CTNNBL1: variants seen among roughly 807,000 people sequenced by gnomAD.
CTNNBL1 encodes the protein beta-catenin-like protein 1.
A neutral mutation model predicts 72.7 loss-of-function variants in CTNNBL1; 31 were observed. That is an observed-to-expected ratio of 0.43 (90% confidence interval 0.32 to 0.58). CTNNBL1 has a LOEUF of 0.58. Among genes scored for constraint, CTNNBL1 ranks in the 20% least tolerant of loss-of-function variants. The probability of loss-of-function intolerance (pLI) is 0.08; values close to 1 mark genes in which losing one functional copy is unlikely to be tolerated. For missense variants in CTNNBL1, 534 were observed against 725.1 expected, an observed-to-expected ratio of 0.74 and a Z score of 3.03; for synonymous variants, 240 against 267.3, an observed-to-expected ratio of 0.90 and a Z score of 1.00.
intron 6 of CTNNBL1, among the ~76,000 whole-genome samples, chr20:37,765,929 T>G (rs2073463696): frequency 6.6e-6 from 1 of 152,296 alleles, no homozygotes; most frequent in Admixed American, 6.5e-5. Context: ...AAAATTGTGT[T>G]TTGGGGGTAG....
chr20:37,742,106 A>G (rs960509405), intron 3 of CTNNBL1, among the ~76,000 whole-genome samples: 1 of 152,232 alleles, frequency 6.6e-6, no homozygotes, highest in African/African-American at 2.4e-5. Flanking sequence ...AGAATGAGAA[A>G]GCATTTCAAC....
chr20:37,744,033 C>A (rs1004714316), intron 3 of CTNNBL1, among the ~76,000 whole-genome samples: 2 of 151,870 alleles, frequency 1.3e-5, no homozygotes, highest in Non-Finnish European at 2.9e-5. Flanking sequence ...AGGGCAAACA[C>A]TTTTCTCTGA....
chr20:37,824,220 A>C (rs1286726669), intron 11 of CTNNBL1, among the ~76,000 whole-genome samples: 1 of 152,232 alleles, frequency 6.6e-6, no homozygotes. Flanking sequence ...GCATACTGCC[A>C]TTACAAGGAT....
intron 4 of CTNNBL1, among the ~76,000 whole-genome samples, chr20:37,747,209 C>T (rs2073274006): frequency 6.6e-6 from 1 of 151,946 alleles, no homozygotes; most frequent in Non-Finnish European, 1.5e-5. Flanking sequence ...GAAACCCTAT[C>T]TCTAAAAATA....
chr20:37,735,027 A>G (rs1330711872), intron 2 of CTNNBL1, among the ~76,000 whole-genome samples: 3 of 152,250 alleles, frequency 2.0e-5, no homozygotes, highest in Admixed American at 6.5e-5. Flanking sequence ...ACCCTTTCCT[A>G]GAAATGTTTT....
chr20:37,715,188 T>C (rs1219812191), intron 1 of CTNNBL1, among the ~76,000 whole-genome samples: 1 of 152,208 alleles, frequency 6.6e-6, no homozygotes, highest in Non-Finnish European at 1.5e-5. Flanking sequence ...AATCTCATGG[T>C]GGTAGTATGA....
At chr20:37,859,449 C>T (rs1361444398) in intron 13 of CTNNBL1, among the ~76,000 whole-genome samples, 1 of 152,042 alleles carries the variant, frequency 6.6e-6, no homozygotes, top group Non-Finnish European at 1.5e-5. Context: ...ACAGTTTCTA[C>T]TGCATGCCTG....
Position 37,801,763 on chromosome 20 carries a change from G to A in CTNNBL1, c.1032-1104G>A, listed in dbSNP as rs377709107. On this transcript the variant is annotated intron_variant, in intron 10 of 15. Coordinates refer to ENST00000361383, the MANE Select transcript of CTNNBL1 (RefSeq NM_030877.5). ...CATAACTAATGTCATACTTCATGGTGAAAGAGTGGATGTTTCCCCCCTAAG... is the reference window on the plus strand; with the variant it reads ...CATAACTAATGTCATACTTCATGGTAAAAGAGTGGATGTTTCCCCCCTAAG... 2.0e-5 allele frequency among the ~76,000 whole-genome samples: 3 copies of A among 152,192 alleles called. No homozygotes were observed. The East Asian group carries it at 5.8e-4, about 29-fold the overall frequency.
At chr20:37,704,040 G>A (rs895931302) in intron 1 of CTNNBL1, among the ~76,000 whole-genome samples, 1 of 152,098 alleles carries the variant, frequency 6.6e-6, no homozygotes, top group African/African-American at 2.4e-5. Flanking sequence ...ACCTCCCAAA[G>A]TGCTGGGATT....
intron 13 of CTNNBL1, among the ~76,000 whole-genome samples, chr20:37,844,855 C>T (rs1393939912): frequency 6.6e-6 from 1 of 152,074 alleles, no homozygotes. Context: ...GGCTGAGGCA[C>T]GAGAGTCACT....
intron 3 of CTNNBL1, among the ~76,000 whole-genome samples, chr20:37,746,023 C>T (rs2073258841): frequency 6.6e-6 from 1 of 152,180 alleles, no homozygotes; most frequent in Non-Finnish European, 1.5e-5. Flanking sequence ...TACAGAAAAT[C>T]TTATCTTCTT....
At chr20:37,804,784 C>G (rs2071938586) in intron 11 of CTNNBL1, among the ~76,000 whole-genome samples, 1 of 152,226 alleles carries the variant, frequency 6.6e-6, no homozygotes, top group Non-Finnish European at 1.5e-5. Flanking sequence ...GAGGAAGTGA[C>G]AGATTCAGTG....
At chr20:37,812,647 T>C (rs1271808185) in intron 11 of CTNNBL1, among the ~76,000 whole-genome samples, 2 of 152,218 alleles carry the variant, frequency 1.3e-5, no homozygotes, top group Admixed American at 6.5e-5. Context: ...TTCATTCTTA[T>C]ATTAAACAAA....
chr20:37,817,655 G>A (rs1343629260), intron 11 of CTNNBL1, among the ~76,000 whole-genome samples: 2 of 152,186 alleles, frequency 1.3e-5, no homozygotes, highest in African/African-American at 4.8e-5. Context: ...CGAATCACCT[G>A]GAGATCTTGT....
chr20:37,821,636 G>A (rs1188046137), intron 11 of CTNNBL1, among the ~76,000 whole-genome samples: 2 of 152,082 alleles, frequency 1.3e-5, no homozygotes, highest in Non-Finnish European at 2.9e-5. Context: ...CAAGAGCCTT[G>A]GATTTAGGCA....
intron 13 of CTNNBL1, 144 bp downstream of exon 13, chr20:37,842,563 A>G: frequency 3.0e-6 from 2 of 662,536 alleles, no homozygotes. Flanking sequence ...ATGGTCTGCC[A>G]AGTGGTTACG....
At chr20:37,802,473 C>A (rs979521419) in intron 10 of CTNNBL1, among the ~76,000 whole-genome samples, 2 of 152,158 alleles carry the variant, frequency 1.3e-5, no homozygotes, top group African/African-American at 4.8e-5. Context: ...TTGAGTTGTA[C>A]ATTTTAACTG....
chr20:37,786,393 A>G (rs1410959358), intron 10 of CTNNBL1, among the ~76,000 whole-genome samples: 1 of 152,194 alleles, frequency 6.6e-6, no homozygotes, highest in African/African-American at 2.4e-5. Context: ...ATGCCATCTG[A>G]GAGCCAGAGC....
Position 37,859,971 on chromosome 20 carries a change from G to T in CTNNBL1, c.1465G>T (p.Gly489Trp), listed in dbSNP as rs1389044804. Residue 489 changes from glycine to tryptophan, a missense_variant, in exon 14 of 16, where the codon GGG becomes TGG. By Grantham distance (184) the Gly-to-Trp change is radical. Coordinates refer to ENST00000361383, the MANE Select transcript of CTNNBL1 (RefSeq NM_030877.5). Reference protein sequence around the residue: ...EEFYLRRLDAGLFVLQHICYI... With the variant: ...EEFYLRRLDAWLFVLQHICYI... ...GTTCTACCTCCGGCGCCTGGATGCGGGGCTCTTTGTTCTCCAGCACATCTG... is the reference window on the plus strand; with the variant it reads ...GTTCTACCTCCGGCGCCTGGATGCGTGGCTCTTTGTTCTCCAGCACATCTG... 3.7e-6 allele frequency: 6 copies of T among 1,614,038 alleles called. No homozygotes were observed. Among genetic ancestry groups the T allele is most frequent in the Non-Finnish European group, 5.1e-6 (6 of 1,180,048 alleles).
Sources: gnomAD v4.1 joint callset for allele counts (sites outside exome capture counted in the v4.1 genomes callset) on GRCh38, gnomAD v4.1.1 for gene constraint, MANE v1.5 for transcripts, NCBI Gene and HGNC (gene_info 2026-07-23, HGNC 2026-07-21) for gene names.